IPO8: variants seen among roughly 807,000 people sequenced by gnomAD.
The protein encoded by IPO8 is importin 8, also known as importin-8.
IPO8 carries 65 observed loss-of-function variants against 141.2 expected under a neutral mutation model. That is an observed-to-expected ratio of 0.46 (90% CI 0.38 to 0.57). The LOEUF (loss-of-function observed/expected upper bound fraction) is 0.57. Among genes scored for constraint, IPO8 ranks in the 20% least tolerant of loss-of-function variants. The pLI, the probability that IPO8 is intolerant of heterozygous loss-of-function variation, is 0.00. For missense variants in IPO8, 980 were observed against 1,246.8 expected (o/e 0.79, Z 3.22); for synonymous variants, 411 against 420.3 (o/e 0.98, Z 0.27).
chr12:30,689,818 T>A (rs1422763846), intron 2 of IPO8, among the ~76,000 whole-genome samples: 1 of 152,224 alleles, frequency 6.6e-6, no homozygotes, highest in East Asian at 1.9e-4. Flanking sequence ...CATGTATATG[T>A]CACTTACATA....
At chr12:30,669,657 T>C (rs1014025833) in intron 9 of IPO8, among the ~76,000 whole-genome samples, 1 of 151,780 alleles carries the variant, frequency 6.6e-6, no homozygotes, top group Non-Finnish European at 1.5e-5. Flanking sequence ...TAGCCAAGCA[T>C]GGTGGCGTCC....
At chr12:30,684,053 A>G (rs2053215511) in intron 3 of IPO8, among the ~76,000 whole-genome samples, 1 of 152,046 alleles carries the variant, frequency 6.6e-6, no homozygotes, top group Non-Finnish European at 1.5e-5. Context: ...GTTAAGTATC[A>G]TTTTTTTTAA....
At chr12:30,645,294 A>T (rs1370079290) in intron 20 of IPO8, among the ~76,000 whole-genome samples, 2 of 151,718 alleles carry the variant, frequency 1.3e-5, no homozygotes. Flanking sequence ...AATCACTTGA[A>T]CCCAGGAGGC....
intron 1 of IPO8, among the ~76,000 whole-genome samples, chr12:30,691,623 C>T (rs1217417344): frequency 1.3e-5 from 2 of 152,194 alleles, no homozygotes; most frequent in East Asian, 3.8e-4. Flanking sequence ...GACTCAAATT[C>T]CAGTGAGGCC....
At chr12:30,670,093 C>T (rs1004774102) in intron 9 of IPO8, among the ~76,000 whole-genome samples, 3 of 152,176 alleles carry the variant, frequency 2.0e-5, no homozygotes, top group Admixed American at 6.5e-5. Context: ...CCTTACTTTA[C>T]AGGAACACAG....
chr12:30,673,023 A>G (rs1306508020), intron 8 of IPO8, among the ~76,000 whole-genome samples: 1 of 152,138 alleles, frequency 6.6e-6, no homozygotes, highest in African/African-American at 2.4e-5. Flanking sequence ...TTGGGAATCC[A>G]AGTTGGGTGG....
Position 30,676,975 on chromosome 12 carries a change from T to A in IPO8, c.640-388A>T, listed in dbSNP as rs1037468478. The A allele has an allele frequency of 5.9e-6, 9 of 1,531,226 alleles. No individual in the cohort carries two copies. The Admixed American group carries it at 1.6e-4, about 27-fold the overall frequency. 94.9% of individuals were successfully genotyped at this position (1,531,226 alleles called of 1,614,324 possible). The stretch of plus-strand genomic sequence containing the variant: ...ATTAAACACTCATGAAACATTTTTT[T>A]AAATTACTTTCCTCTACACTGTAGC... On this transcript the variant is annotated intron_variant, in intron 5 of 24. Coordinates refer to ENST00000256079, the MANE Select transcript of IPO8 (RefSeq NM_006390.4).
At chr12:30,670,751 C>T (rs1189910060) in intron 9 of IPO8, among the ~76,000 whole-genome samples, 1 of 152,158 alleles carries the variant, frequency 6.6e-6, no homozygotes, top group East Asian at 1.9e-4. Context: ...ATCCAGGTCT[C>T]CCGACTCATA....
chr12:30,645,861 C>T (rs897705923), intron 20 of IPO8, among the ~76,000 whole-genome samples: 1 of 151,838 alleles, frequency 6.6e-6, no homozygotes, highest in African/African-American at 2.4e-5. Context: ...TTTAAAACTA[C>T]CCACCGAAAA....
chr12:30,635,861 G>T lies in IPO8; in HGVS notation c.2695+1121C>A, dbSNP rs80150701. On this transcript the variant is annotated intron_variant, in intron 22 of 24. Transcript: ENST00000256079. ...AGTTAATCATTCCATACTTTAGTAG[G>T]AAGTACAAGAAAGTGTGGGATATTA... is the stretch of plus-strand genomic sequence containing the variant. Among the ~76,000 whole-genome samples the T allele has an allele frequency of 2.6e-3, 391 of 152,106 alleles. 3 individuals are homozygous for T. Among genetic ancestry groups the T allele is most frequent in the East Asian group, 0.023 (120 of 5,178 alleles).
At chr12:30,669,304 AAC>A (rs376204974) in intron 9 of IPO8, 22 bp from the exon 10 acceptor site, 915 of 1,197,590 alleles carry the variant, frequency 7.6e-4, no homozygotes, top group African/African-American at 3.0e-3. Context: ...AAAAAAAAAA[AAC>A]GTAACAAATG....
chr12:30,656,834 G>A, intron 16 of IPO8, 84 bp from the exon 17 acceptor site: 2 of 618,008 alleles, frequency 3.2e-6, no homozygotes, highest in Non-Finnish European at 5.3e-6. Context: ...AATATCAAGA[G>A]GACATTTTTG....
At chr12:30,652,333 T>A (rs371101146) in intron 18 of IPO8, 44 bp from the exon 19 acceptor site, 2 of 1,126,234 alleles carry the variant, frequency 1.8e-6, no homozygotes, top group South Asian at 1.3e-5. Flanking sequence ...GTGACAGAAA[T>A]AGAAATAAAT....
rs987838267 is a variant in IPO8 at position 30,691,604 on chromosome 12, A to AC, written c.85-1028_85-1027insG. On this transcript the variant is annotated intron_variant, in intron 1 of 24. Transcript: ENST00000256079. ...CATATGCCTTTGTCCACTGACATTC[A>AC]TTTGAAAAGACTCAAATTCCAGTGA... is the stretch of plus-strand genomic sequence containing the variant. 2.0e-5 allele frequency among the ~76,000 whole-genome samples: 3 copies of AC among 152,196 alleles called. No individual in the cohort carries two copies. In the East Asian group the frequency reaches 5.8e-4, roughly 29 times the overall value.
chr12:30,680,055 A>G lies in IPO8; in HGVS notation c.639+427T>C, dbSNP rs1485924281. Among the ~76,000 whole-genome samples, 3 of 152,128 alleles carry G rather than the reference A, an allele frequency of 2.0e-5. No individual in the cohort carries two copies. The East Asian group carries it at 5.8e-4, about 29-fold the overall frequency. On this transcript the variant is annotated intron_variant, in intron 5 of 24. Transcript: ENST00000256079. The stretch of plus-strand genomic sequence containing the variant: ...CTAAATCCTCTGTTAGCTTTGAGTC[A>G]AATGCAAAGAAACTACCATCAATAT...
chr12:30,656,816 C>T, intron 16 of IPO8, 66 bp from the exon 17 acceptor site: 1 of 751,540 alleles, frequency 1.3e-6, no homozygotes, highest in Non-Finnish European at 2.0e-6. Context: ...TAATATTGTG[C>T]CAATAAAAAT....
intron 21 of IPO8, among the ~76,000 whole-genome samples, chr12:30,638,214 C>T (rs1168355998): frequency 6.6e-6 from 1 of 152,202 alleles, no homozygotes; most frequent in Admixed American, 6.5e-5. Context: ...AGAGAACCAA[C>T]CGCTTAACTT....
chr12:30,689,689 A>G (rs1667705290), intron 2 of IPO8, among the ~76,000 whole-genome samples: 1 of 152,200 alleles, frequency 6.6e-6, no homozygotes, highest in South Asian at 2.1e-4. Context: ...ACGTGAACAC[A>G]TGGAAAGGCT....
chr12:30,669,795 T>A (rs951996479), intron 9 of IPO8, among the ~76,000 whole-genome samples: 4 of 152,070 alleles, frequency 2.6e-5, no homozygotes, highest in Admixed American at 2.6e-4. Flanking sequence ...TTTTCTTTAC[T>A]TCTATTCCCA....
Sources: allele counts gnomAD v4.1 joint callset (sites outside exome capture counted in the v4.1 genomes callset), GRCh38; gene constraint gnomAD v4.1.1; transcripts MANE v1.5; gene names NCBI Gene and HGNC (gene_info 2026-07-23, HGNC 2026-07-21).